SYN3: variants seen among roughly 807,000 people sequenced by gnomAD.
SYN3 encodes the protein synapsin-3.
SYN3 carries 35 observed loss-of-function variants against 65.8 expected under a neutral mutation model. That is an observed-to-expected ratio of 0.53 (90% CI 0.41 to 0.70). The LOEUF (loss-of-function observed/expected upper bound fraction) is 0.70, where lower values mean the gene tolerates loss of function less well. SYN3 is among the 30% of genes least tolerant of loss of function. The pLI, the probability that SYN3 is intolerant of heterozygous loss-of-function variation, is 0.00. For synonymous variants in SYN3, 270 were observed against 292.9 expected, an observed-to-expected ratio of 0.92 and a Z score of 0.80; for missense variants, 680 against 749.0, an observed-to-expected ratio of 0.91 and a Z score of 1.08.
chr22:32,618,206 G>C (rs970108028), intron 6 of SYN3, among the ~76,000 whole-genome samples: 3 of 152,158 alleles, frequency 2.0e-5, no homozygotes, highest in Non-Finnish European at 4.4e-5. Context: ...CAGAGTCGTA[G>C]AGTAGCCCCT....
chr22:33,018,180 T>C (rs143754930), intron 1 of SYN3, among the ~76,000 whole-genome samples: 15 of 152,312 alleles, frequency 9.8e-5, no homozygotes, highest in Non-Finnish European at 1.6e-4. Flanking sequence ...TAGAAGGCCG[T>C]TGTAGTCATT....
chr22:32,807,385 A>G (rs7291223), intron 6 of SYN3, among the ~76,000 whole-genome samples: 3,062 of 104,938 alleles, frequency 0.029, 71 homozygotes, highest in South Asian at 0.043. Flanking sequence ...TATAATATAT[A>G]TTATATATAA....
chr22:32,885,116 G>A (rs552726126), intron 4 of SYN3, among the ~76,000 whole-genome samples: 2 of 151,704 alleles, frequency 1.3e-5, no homozygotes, highest in South Asian at 4.2e-4. Flanking sequence ...GGAATGTCAT[G>A]TATAAAAGCA....
At chr22:32,527,856 C>A in intron 12 of SYN3, 62 bp downstream of exon 12, 2 of 1,395,634 alleles carry the variant, frequency 1.4e-6, no homozygotes, top group Admixed American at 2.0e-5. Context: ...CATGTGGATC[C>A]CTCGGTGCAT....
At chr22:32,531,886 TCCGAGCCC>T (rs2058077074) in intron 10 of SYN3, among the ~76,000 whole-genome samples, 1 of 138,672 alleles carries the variant, frequency 7.2e-6, no homozygotes, top group Non-Finnish European at 1.5e-5. Context: ...TTTTTTGAAG[TCCGAGCCC>T]ACTACTTTTA....
intron 6 of SYN3, among the ~76,000 whole-genome samples, chr22:32,710,455 A>G (rs2060944796): frequency 6.6e-6 from 1 of 151,294 alleles, no homozygotes; most frequent in South Asian, 2.1e-4. Flanking sequence ...ACATGGTGAA[A>G]CCCTGACTCT....
At chr22:32,854,498 C>T (rs553292158) in intron 6 of SYN3, among the ~76,000 whole-genome samples, 4 of 152,076 alleles carry the variant, frequency 2.6e-5, no homozygotes, top group Admixed American at 6.5e-5. Flanking sequence ...AGACCTAGAG[C>T]GAGTGCTTAG....
intron 6 of SYN3, among the ~76,000 whole-genome samples, chr22:32,702,645 A>G (rs80164376): frequency 6.6e-6 from 1 of 152,174 alleles, no homozygotes; most frequent in East Asian, 1.9e-4. Context: ...TTTGACATTT[A>G]TTAGTCATGG....
Position 32,556,246 on chromosome 22 carries a change from T to C in SYN3, c.775-14533A>G, listed in dbSNP as rs573926289. On this transcript the variant is annotated intron_variant, in intron 7 of 13. Transcript: ENST00000358763. Reference sequence around the variant, plus strand: ...GTACGGAATGTTTTTATTTCATTCCTAAATAACTACAATTACTTACTAATG... The same window carrying C: ...GTACGGAATGTTTTTATTTCATTCCCAAATAACTACAATTACTTACTAATG... Among the ~76,000 whole-genome samples the C allele has an allele frequency of 2.0e-5, 3 of 152,366 alleles. No individual in the cohort carries two copies. In the South Asian group the frequency reaches 6.2e-4, roughly 32 times the overall value.
intron 6 of SYN3, among the ~76,000 whole-genome samples, chr22:32,651,065 T>C (rs1042993725): frequency 6.6e-6 from 1 of 152,040 alleles, no homozygotes; most frequent in East Asian, 1.9e-4. Context: ...AAATTGGAGA[T>C]CTTGGCCAAC....
intron 3 of SYN3, among the ~76,000 whole-genome samples, chr22:32,939,879 G>A (rs1569342049): frequency 2.0e-5 from 3 of 152,114 alleles, no homozygotes; most frequent in East Asian, 1.9e-4. Context: ...ACCTAGAAGT[G>A]GAATTGCTGG....
intron 1 of SYN3, among the ~76,000 whole-genome samples, chr22:33,007,773 T>C (rs2053233654): frequency 6.6e-6 from 1 of 152,222 alleles, no homozygotes; most frequent in African/African-American, 2.4e-5. Context: ...TATTTTGTTA[T>C]GTCAGCACAA....
At chr22:32,992,684 G>A (rs1264091291) in intron 2 of SYN3, among the ~76,000 whole-genome samples, 1 of 152,158 alleles carries the variant, frequency 6.6e-6, no homozygotes, top group Admixed American at 6.5e-5. Context: ...GTGGTGGTAT[G>A]TGCCTGTAGT....
At chr22:32,519,172 A>G (rs903398382) in intron 12 of SYN3, among the ~76,000 whole-genome samples, 7 of 152,192 alleles carry the variant, frequency 4.6e-5, no homozygotes, top group East Asian at 1.9e-4. Flanking sequence ...TTTTGTTATC[A>G]AGGCAGCCTG....
At chr22:32,666,607 C>A (rs1016467729) in intron 6 of SYN3, among the ~76,000 whole-genome samples, 4 of 152,158 alleles carry the variant, frequency 2.6e-5, no homozygotes, top group African/African-American at 9.7e-5. Flanking sequence ...TCTCATGAGG[C>A]CTTCTCTGGT....
intron 1 of SYN3, among the ~76,000 whole-genome samples, chr22:33,008,924 CAAA>C (rs201719238): frequency 1.2e-4 from 7 of 57,086 alleles, no homozygotes; most frequent in Admixed American, 2.3e-4. Flanking sequence ...GACTTTATCT[CAAA>C]AAAAAAAAAA....
intron 6 of SYN3, among the ~76,000 whole-genome samples, chr22:32,630,826 C>G (rs2059737119): frequency 6.6e-6 from 1 of 152,208 alleles, no homozygotes; most frequent in African/African-American, 2.4e-5. Flanking sequence ...TCACAGGCTA[C>G]AGGTGTGTTC....
intron 4 of SYN3, among the ~76,000 whole-genome samples, chr22:32,888,387 G>T (rs1455614174): frequency 6.6e-6 from 1 of 151,982 alleles, no homozygotes; most frequent in Non-Finnish European, 1.5e-5. Flanking sequence ...ATCATATAGT[G>T]CCTATATATG....
intron 10 of SYN3, among the ~76,000 whole-genome samples, chr22:32,529,888 C>T (rs2058041950): frequency 6.6e-6 from 1 of 152,222 alleles, no homozygotes; most frequent in Admixed American, 6.5e-5. Context: ...TAGGTTTTCT[C>T]TCTCCTCCAG....
Sources: gnomAD v4.1 joint callset for allele counts (sites outside exome capture counted in the v4.1 genomes callset) on GRCh38, gnomAD v4.1.1 for gene constraint, MANE v1.5 for transcripts, NCBI Gene and HGNC (gene_info 2026-07-23, HGNC 2026-07-21) for gene names.